The following PTGR2 variants were observed in gnomAD, a reference collection of about 807,000 sequenced individuals.
PTGR2 encodes the protein prostaglandin reductase 2, also known as 15-oxoprostaglandin 13-reductase.
In PTGR2, 32 loss-of-function variants were observed where a neutral mutation model predicts 43.4. The observed-to-expected ratio is 0.74, with a 90% CI of 0.56 to 0.99. The LOEUF (loss-of-function observed/expected upper bound fraction) is 0.99, where lower values mean the gene tolerates loss of function less well. PTGR2 is among the 50% of genes least tolerant of loss of function. The probability of loss-of-function intolerance (pLI) is 0.00; values close to 1 mark genes in which losing one functional copy is unlikely to be tolerated. For missense variants in PTGR2, 373 were observed against 420.0 expected, an observed-to-expected ratio of 0.89 and a Z score of 0.98; for synonymous variants, 106 against 139.2, an observed-to-expected ratio of 0.76 and a Z score of 1.68.
chr14:73,859,013 A>C, intron 2 of PTGR2, 114 bp downstream of exon 2: 1 of 720,854 alleles, frequency 1.4e-6, no homozygotes, highest in South Asian at 2.1e-5. Flanking sequence ...AGATATTGAC[A>C]CTAGTAAAGA....
chr14:73,879,357 G>T, intron 6 of PTGR2, 52 bp downstream of exon 6: 1 of 1,524,248 alleles, frequency 6.6e-7, no homozygotes, highest in Non-Finnish European at 9.0e-7. Flanking sequence ...TATATGTTGT[G>T]ATATCTTTTT....
chr14:73,864,856 C>T (rs2054568032), intron 3 of PTGR2, among the ~76,000 whole-genome samples: 1 of 152,146 alleles, frequency 6.6e-6, no homozygotes, highest in Non-Finnish European at 1.5e-5. Flanking sequence ...CTTTCAGACT[C>T]ATATCTAAGA....
chr14:73,855,591 G>A (rs549818822), intron 1 of PTGR2, among the ~76,000 whole-genome samples: 9 of 151,612 alleles, frequency 5.9e-5, no homozygotes, highest in Admixed American at 2.6e-4. Context: ...GATTACAGGC[G>A]TGCACCACCA....
chr14:73,864,642 C>G (rs2054563690), intron 3 of PTGR2, among the ~76,000 whole-genome samples: 1 of 152,082 alleles, frequency 6.6e-6, no homozygotes, highest in Non-Finnish European at 1.5e-5. Flanking sequence ...GTTGGATTAT[C>G]TGTGTTTTTA....
At chr14:73,880,959 G>A (rs532091446) in intron 7 of PTGR2, among the ~76,000 whole-genome samples, 4 of 152,196 alleles carry the variant, frequency 2.6e-5, no homozygotes, top group Non-Finnish European at 2.9e-5. Flanking sequence ...ACCATGCCCG[G>A]CTAATTTTTT....
At position 73,857,671 on chromosome 14, in the gene PTGR2, T is replaced by TTTTTTTTTTG. The variant is rs2054387873; in HGVS notation, c.-47-1136_-47-1135insGTTTTTTTTT. Among the ~76,000 whole-genome samples, 2 of 117,032 alleles carry TTTTTTTTTTG rather than the reference T, an allele frequency of 1.7e-5. 1 individual carries two copies. The highest frequency in any genetic ancestry group is 3.7e-5 in the Non-Finnish European group (2 of 54,242). 76.8% of individuals were successfully genotyped at this position (117,032 alleles called of 152,430 possible). A position where few individuals can be genotyped will look rare whatever the true frequency, so the allele number is the denominator to read the frequency against. On this transcript the variant is annotated intron_variant, in intron 1 of 9. Coordinates refer to ENST00000555661, the MANE Select transcript of PTGR2 (RefSeq NM_001146154.2). Reference sequence around the variant, plus strand: ...GTCAATTAAGCAGTTAGTGTTTTTTTTTTTTTTTTTTTTTTGAGACAGAAT... The same window carrying TTTTTTTTTTG: ...GTCAATTAAGCAGTTAGTGTTTTTTTTTTTTTTTTGTTTTTTTTTTTTTTTGAGACAGAAT...
At position 73,884,370 on chromosome 14, in the gene PTGR2, CTT is replaced by C. The variant is rs2055076058; in HGVS notation, c.*196_*197del. The C allele has an allele frequency of 2.4e-6, 1 of 416,132 alleles. No homozygotes were observed. The highest frequency in any genetic ancestry group is 4.8e-5 in the South Asian group (1 of 20,878). The allele number at this position is 416,132 out of a possible 1,614,324, so 25.8% of individuals were successfully genotyped here. Reference sequence around the variant, plus strand: ...ACAATAGGTTTTTAAAAATTAATAACTTTTAGTAATTACTTTTATTAATTTAA... The same window carrying C: ...ACAATAGGTTTTTAAAAATTAATAACTTAGTAATTACTTTTATTAATTTAA... On this transcript the variant is annotated 3_prime_UTR_variant, in exon 10 of 10. Coordinates refer to ENST00000555661, the MANE Select transcript of PTGR2 (RefSeq NM_001146154.2).
intron 8 of PTGR2, among the ~76,000 whole-genome samples, chr14:73,881,772 C>CTTTTTTTTTTTTT (rs57377878): frequency 1.4e-5 from 1 of 69,242 alleles, no homozygotes; most frequent in African/African-American, 6.9e-5. Context: ...CTAGGCTATT[C>CTTTTTTTTTTTTT]TTTTTTTTTT....
rs766873986 is a variant in PTGR2 at position 73,874,051 on chromosome 14, C to A, written c.185C>A (p.Thr62Asn). Residue 62 changes from threonine to asparagine, a missense_variant, in exon 4 of 10, where the codon ACT becomes AAT. Transcript: ENST00000555661. ...TGTAGAATGAATGAAGACACTGGCA[C>A]TGATTATATAACACCTTGGCAGCTA... ...MRCRMNEDTG[T>N]DYITPWQLSQ... 4.3e-6 allele frequency: 7 copies of A among 1,609,874 alleles called. No homozygotes were observed.
At chr14:73,857,298 C>T (rs559186377) in intron 1 of PTGR2, among the ~76,000 whole-genome samples, 1 of 146,150 alleles carries the variant, frequency 6.8e-6, no homozygotes, top group Non-Finnish European at 1.5e-5. Flanking sequence ...TTTTGATGAA[C>T]GAATAGAAGA....
At chr14:73,868,050 G>A (rs1253975078) in intron 3 of PTGR2, among the ~76,000 whole-genome samples, 2 of 152,158 alleles carry the variant, frequency 1.3e-5, no homozygotes, top group African/African-American at 4.8e-5. Flanking sequence ...ACTTTGGGAG[G>A]CCGAGGTGGG....
intron 1 of PTGR2, among the ~76,000 whole-genome samples, chr14:73,852,868 C>T (rs1162085922): frequency 6.6e-6 from 1 of 152,166 alleles, no homozygotes; most frequent in Admixed American, 6.6e-5. Flanking sequence ...CTCTGTTGCC[C>T]AGGCTGGAGT....
In PTGR2 at chr14:73,877,131, G is replaced by A; in HGVS notation, c.482G>A (p.Ser161Asn). ...GGATCTAATAAGACAATGGTTGTCA[G>A]TGGGGCCGCAGGTGCCTGTGGATCT... ...TAGSNKTMVVSGAAGACGSVA... is the reference protein window; with the variant it reads ...TAGSNKTMVVNGAAGACGSVA... Residue 161 changes from serine (S) to asparagine (N), a missense_variant, in exon 5 of 10, where the codon AGT (serine) becomes AAT (asparagine). By Grantham distance (46) the Ser-to-Asn change is conservative. Coordinates refer to ENST00000555661, the MANE Select transcript of PTGR2 (RefSeq NM_001146154.2). The A allele has an allele frequency of 1.2e-6, 2 of 1,614,102 alleles. No individual in the cohort carries two copies. Among genetic ancestry groups the A allele is most frequent in the East Asian group, 2.2e-5 (1 of 44,892 alleles).
intron 9 of PTGR2, among the ~76,000 whole-genome samples, chr14:73,882,867 C>CTGGAGTG (rs906590913): frequency 4.3e-5 from 5 of 116,566 alleles, no homozygotes; most frequent in Non-Finnish European, 8.1e-5. Context: ...GTCTCCCAGG[C>CTGGAGTG]TGGAGTGCAG....
In PTGR2 at chr14:73,882,034, A is replaced by G. The variant is rs190395680; in HGVS notation, c.940-365A>G. On this transcript the variant is annotated intron_variant, in intron 8 of 9. Transcript: ENST00000555661. ...CTGACCTCAAGTGTTCTGCCCATCC[A>G]GCCTCCCAAAGTGCTGGGATTACAG... is the stretch of plus-strand genomic sequence containing the variant. 3.8e-4 allele frequency among the ~76,000 whole-genome samples: 58 copies of G among 152,090 alleles called. 1 individual carries two copies. The East Asian group carries it at 0.011, about 29-fold the overall frequency.
At chr14:73,857,238 G>GTTTTTT (rs200670094) in intron 1 of PTGR2, among the ~76,000 whole-genome samples, 4 of 144,522 alleles carry the variant, frequency 2.8e-5, no homozygotes, top group African/African-American at 1.0e-4. Context: ...AGGAATTTCC[G>GTTTTTT]TTTTTTTTTT....
rs1396317090 is a variant in PTGR2, at chr14:73,884,405, C to T, written c.*228C>T. ...TTACTTTTATTAATTTAAAATAGAA[C>T]GCTTGAGAGGCACTTTGTAAAGATT... On this transcript the variant is annotated 3_prime_UTR_variant, in exon 10 of 10. Coordinates refer to ENST00000555661, the MANE Select transcript of PTGR2 (RefSeq NM_001146154.2). 5.7e-6 allele frequency: 2 copies of T among 350,094 alleles called. No homozygotes were observed. The highest frequency in any genetic ancestry group is 5.0e-6 in the Non-Finnish European group (1 of 198,820). The allele number at this position is 350,094 out of a possible 1,614,324, so 21.7% of individuals were successfully genotyped here.
chr14:73,854,389 A>C (rs2054297812), intron 1 of PTGR2, among the ~76,000 whole-genome samples: 1 of 152,202 alleles, frequency 6.6e-6, no homozygotes, highest in African/African-American at 2.4e-5. Flanking sequence ...GGTGTGAGCC[A>C]CCGTGCCCAG....
intron 3 of PTGR2, among the ~76,000 whole-genome samples, chr14:73,869,608 C>T (rs1469478463): frequency 6.6e-6 from 1 of 151,416 alleles, no homozygotes; most frequent in Non-Finnish European, 1.5e-5. Context: ...AAACAAAGTT[C>T]GTATTTATCA....
Sources: allele counts gnomAD v4.1 joint callset (sites outside exome capture counted in the v4.1 genomes callset), GRCh38; gene constraint gnomAD v4.1.1; transcripts MANE v1.5; gene names NCBI Gene and HGNC (gene_info 2026-07-23, HGNC 2026-07-21).